Variants in SLC24A3 observed in about 807,000 individuals in gnomAD.
SLC24A3 encodes the protein sodium/potassium/calcium exchanger 3.
In SLC24A3, 28 loss-of-function variants were observed where a neutral mutation model predicts 75.8. That is an observed-to-expected ratio of 0.37 (90% CI 0.27 to 0.51). The LOEUF is 0.51. SLC24A3 is among the 20% of genes least tolerant of loss of function. The probability of loss-of-function intolerance (pLI) is 0.94; values close to 1 mark genes in which losing one functional copy is unlikely to be tolerated. For missense variants in SLC24A3, 663 were observed against 847.8 expected (o/e 0.78, Z 2.71); for synonymous variants, 372 against 334.1 (o/e 1.11, Z -1.24).
At position 19,422,796 on chromosome 20, in the gene SLC24A3, T is replaced by C. The variant is rs537494696; in HGVS notation, c.272-92692T>C. On this transcript the variant is annotated intron_variant, in intron 2 of 16. Coordinates refer to ENST00000328041, the MANE Select transcript of SLC24A3 (RefSeq NM_020689.4). ...TATTATTTTAGCAATCAGGAAGGAA[T>C]TTCTCACCTCTTTACAAAACCCCAC... Among the ~76,000 whole-genome samples the C allele has an allele frequency of 1.1e-4, 16 of 152,284 alleles. No individual in the cohort carries two copies. In the East Asian group the frequency reaches 2.5e-3, roughly 24 times the overall value.
chr20:19,240,911 G>A (rs1982310211), intron 1 of SLC24A3, among the ~76,000 whole-genome samples: 1 of 152,166 alleles, frequency 6.6e-6, no homozygotes, highest in African/African-American at 2.4e-5. Flanking sequence ...CTGAGAGCCA[G>A]GAGCAGCCAG....
intron 1 of SLC24A3, among the ~76,000 whole-genome samples, chr20:19,215,672 G>A (rs1981534329): frequency 6.6e-6 from 1 of 151,030 alleles, no homozygotes; most frequent in East Asian, 1.9e-4. Flanking sequence ...TAAAATGACA[G>A]TTCTTTTACC....
At chr20:19,704,143 TTGGATGGATGGA>T (rs573036833) in intron 15 of SLC24A3, among the ~76,000 whole-genome samples, 3 of 149,370 alleles carry the variant, frequency 2.0e-5, no homozygotes, top group East Asian at 4.0e-4. Context: ...CAAATATTTG[TTGGATGGATGGA>T]TGGATGGATG....
chr20:19,630,635 T>C (rs1170833155), intron 6 of SLC24A3, among the ~76,000 whole-genome samples: 2 of 152,232 alleles, frequency 1.3e-5, no homozygotes, highest in African/African-American at 2.4e-5. Flanking sequence ...TACAACAGGA[T>C]TGCAGTCATT....
At chr20:19,699,514 G>A (rs961800462) in intron 15 of SLC24A3, among the ~76,000 whole-genome samples, 1 of 152,216 alleles carries the variant, frequency 6.6e-6, no homozygotes, top group African/African-American at 2.4e-5. Context: ...GAAAGCATGT[G>A]CTTATTTTGG....
chr20:19,532,528 G>A (rs2030321730), intron 3 of SLC24A3, among the ~76,000 whole-genome samples: 1 of 152,194 alleles, frequency 6.6e-6, no homozygotes, highest in South Asian at 2.1e-4. Context: ...CTCCCATCAA[G>A]CCATTCACCT....
At chr20:19,600,900 A>T (rs1298843627) in intron 6 of SLC24A3, among the ~76,000 whole-genome samples, 1 of 152,046 alleles carries the variant, frequency 6.6e-6, no homozygotes, top group African/African-American at 2.4e-5. Flanking sequence ...GCCTCAAGTG[A>T]TCCCCCCACT....
At chr20:19,321,877 T>C (rs1421407186) in intron 2 of SLC24A3, among the ~76,000 whole-genome samples, 8 of 152,230 alleles carry the variant, frequency 5.3e-5, no homozygotes, top group Non-Finnish European at 1.2e-4. Context: ...CATTGCATTT[T>C]AGAAAATCTC....
At position 19,696,856 on chromosome 20, in the gene SLC24A3, G is replaced by C; in HGVS notation, c.1551G>C (p.Leu517=). 6.2e-7 allele frequency: 1 copy of C among 1,613,984 alleles called. No individual in the cohort carries two copies. ...ACGTCATCATGGGGATCACCTTCCT[G>C]GCTGCTGGGACCAGCGTGCCTGACT... ...IPDVIMGITF[L]AAGTSVPDCM... Residue 517 remains leucine (L), a synonymous_variant, in exon 14 of 17, where the codon CTG becomes CTC. Transcript: ENST00000328041.
At chr20:19,516,402 T>G (rs1379355956) in intron 3 of SLC24A3, among the ~76,000 whole-genome samples, 2 of 152,240 alleles carry the variant, frequency 1.3e-5, no homozygotes, top group Admixed American at 1.3e-4. Flanking sequence ...TTCTAGTTAT[T>G]TATCGCTGTG....
chr20:19,215,332 A>C lies in SLC24A3; in HGVS notation c.142+2348A>C, dbSNP rs527251533. 4.6e-5 allele frequency among the ~76,000 whole-genome samples: 7 copies of C among 152,296 alleles called. No homozygotes were observed. The East Asian group carries it at 1.4e-3, about 29-fold the overall frequency. On this transcript the variant is annotated intron_variant, in intron 1 of 16. Transcript: ENST00000328041. ...CTGAGTGATTAGCTTAAAGTCACAC[A>C]GCATTCGAAGAGTAGAGGAAAAAAC... is the stretch of plus-strand genomic sequence containing the variant.
At chr20:19,326,821 G>T (rs1441315540) in intron 2 of SLC24A3, among the ~76,000 whole-genome samples, 3 of 152,048 alleles carry the variant, frequency 2.0e-5, no homozygotes, top group Non-Finnish European at 4.4e-5. Context: ...GGCCTCAAGT[G>T]ATCCTCCTGC....
At position 19,609,690 on chromosome 20, in the gene SLC24A3, C is replaced by A. The variant is rs900723492; in HGVS notation, c.612+24146C>A. ...CATGTTTTGCTTTTGAAGCTAAAAT[C>A]TCAATGCAACCATTCTTTACTTATG... On this transcript the variant is annotated intron_variant, in intron 6 of 16. Transcript: ENST00000328041. Among the ~76,000 whole-genome samples the A allele has an allele frequency of 2.6e-5, 4 of 152,336 alleles. No individual in the cohort carries two copies. The East Asian group carries it at 7.7e-4, about 29-fold the overall frequency.
At chr20:19,522,030 A>G (rs1217297305) in intron 3 of SLC24A3, among the ~76,000 whole-genome samples, 2 of 152,086 alleles carry the variant, frequency 1.3e-5, no homozygotes, top group Non-Finnish European at 2.9e-5. Context: ...CCAGCTGTCC[A>G]GTAGTCTAAA....
intron 6 of SLC24A3, among the ~76,000 whole-genome samples, chr20:19,649,242 C>T (rs141619371): frequency 2.9e-4 from 44 of 152,298 alleles, no homozygotes; most frequent in African/African-American, 1.0e-3. Flanking sequence ...ACATGGTTTC[C>T]GGTCTTCATC....
chr20:19,358,100 T>C (rs1393429544), intron 2 of SLC24A3, among the ~76,000 whole-genome samples: 1 of 152,222 alleles, frequency 6.6e-6, no homozygotes. Context: ...CAAGGTTGTC[T>C]TCATTTTCAC....
intron 2 of SLC24A3, among the ~76,000 whole-genome samples, chr20:19,395,516 G>A (rs1986438940): frequency 6.6e-6 from 1 of 152,140 alleles, no homozygotes; most frequent in South Asian, 2.1e-4. Flanking sequence ...AATTTGCTCT[G>A]TTCGTCTGAC....
In SLC24A3 at chr20:19,212,982, A is replaced by C; in HGVS notation, c.140A>C (p.Lys47Thr). ...LWSLSSLREQ[K>T]ELDLMDLVGE... is the part of the protein sequence containing the mutation. ...TCGCTGTCGAGCCTGCGAGAGCAGA[A>C]GGGTGAGTGCACGCTGCCTGCCCCG... The change falls in exon 1 of 17, where the codon AAG becomes ACG. Residue 47 changes from lysine to threonine, a missense_variant and splice_region_variant. Transcript: ENST00000328041. 2 of 1,284,666 alleles carry C rather than the reference A, an allele frequency of 1.6e-6. No individual in the cohort carries two copies. The highest frequency in any genetic ancestry group is 5.9e-5 in the South Asian group (2 of 34,066). The allele number at this position is 1,284,666 out of a possible 1,614,324, so 79.6% of individuals were successfully genotyped here. A position where few individuals can be genotyped will look rare whatever the true frequency, so the allele number is the denominator to read the frequency against.
At chr20:19,572,850 GGCTATTAGATACAGA>G (rs1373461956) in intron 3 of SLC24A3, among the ~76,000 whole-genome samples, 1 of 151,940 alleles carries the variant, frequency 6.6e-6, no homozygotes, top group Non-Finnish European at 1.5e-5. Flanking sequence ...GTCCTCATGG[GGCTATTAGATACAGA>G]GCCTGTGATC....
Sources: allele counts gnomAD v4.1 joint callset (sites outside exome capture counted in the v4.1 genomes callset), GRCh38; gene constraint gnomAD v4.1.1; transcripts MANE v1.5; gene names NCBI Gene and HGNC (gene_info 2026-07-23, HGNC 2026-07-21).